BMPR2: variants seen among roughly 807,000 people sequenced by gnomAD.
BMPR2 encodes the protein bone morphogenetic protein receptor type 2.
Under a neutral mutation model 100.8 loss-of-function variants are expected in BMPR2, and 29 were observed. The ratio of observed to expected loss-of-function variants is 0.29; its 90% CI spans 0.21 to 0.39. The LOEUF is 0.39. BMPR2 is among the 10% of genes least tolerant of loss of function. BMPR2 has a pLI of 1.00. For missense variants in BMPR2, 1,011 were observed against 1,274.5 expected, an observed-to-expected ratio of 0.79 and a Z score of 3.15; for synonymous variants, 382 against 442.3, an observed-to-expected ratio of 0.86 and a Z score of 1.71.
intron 9 of BMPR2, among the ~76,000 whole-genome samples, chr2:202,534,607 CAGA>C (rs1055283594): frequency 2.7e-4 from 41 of 152,326 alleles, no homozygotes; most frequent in Non-Finnish European, 4.3e-4. Context: ...GATCCCAAGG[CAGA>C]AGAAGTTTTC....
chr2:202,377,417 G>C lies in BMPR2; in HGVS notation c.-58G>C, dbSNP rs1230114650. 1 of 1,553,066 alleles carries C rather than the reference G, an allele frequency of 6.4e-7. No homozygotes were observed. The highest frequency in any genetic ancestry group is 8.9e-7 in the Non-Finnish European group (1 of 1,124,436). On this transcript the variant is annotated 5_prime_UTR_variant, in exon 1 of 13. Coordinates refer to ENST00000374580, the MANE Select transcript of BMPR2 (RefSeq NM_001204.7). ...AGACGAGCCTCCCGGCTGTTTCTCCGCCGGTCTACTTCCCATATTTCTTTT... is the reference window on the plus strand; with the variant it reads ...AGACGAGCCTCCCGGCTGTTTCTCCCCCGGTCTACTTCCCATATTTCTTTT...
intron 1 of BMPR2, among the ~76,000 whole-genome samples, chr2:202,457,536 A>G: frequency 7.4e-6 from 1 of 135,966 alleles, no homozygotes; most frequent in South Asian, 2.3e-4. Context: ...TATTTTTAGC[A>G]ATATTTTATA....
chr2:202,535,550 C>T (rs545441673), intron 9 of BMPR2, among the ~76,000 whole-genome samples: 1 of 151,576 alleles, frequency 6.6e-6, no homozygotes, highest in African/African-American at 2.4e-5. Flanking sequence ...AGGTGCTCCT[C>T]ACTTCCTAGA....
chr2:202,489,258 T>C (rs1394643669), intron 3 of BMPR2, among the ~76,000 whole-genome samples: 1 of 152,078 alleles, frequency 6.6e-6, no homozygotes, highest in Non-Finnish European at 1.5e-5. Flanking sequence ...CCTCCTTGGC[T>C]TCCCAAAGTG....
At chr2:202,388,412 A>AAC (rs1016392736) in intron 1 of BMPR2, among the ~76,000 whole-genome samples, 1 of 150,272 alleles carries the variant, frequency 6.7e-6, no homozygotes, top group African/African-American at 2.4e-5. Context: ...AAAAAAAAAA[A>AAC]AAAAAAAACA....
rs1222515138 is a variant in BMPR2, at chr2:202,561,653, A to G, written c.*1707A>G. 1.3e-5 allele frequency: 2 copies of G among 152,054 alleles called. No homozygotes were observed. Among genetic ancestry groups the G allele is most frequent in the Admixed American group, 6.6e-5 (1 of 15,256 alleles). The allele number at this position is 152,054 out of a possible 1,614,324, so 9.4% of individuals were successfully genotyped here. ...TTAAGAGGAAAACACAAATCACCAA[A>G]TTTCTGATTTATGTTTTTATCTCCT... On this transcript the variant is annotated 3_prime_UTR_variant, in exon 13 of 13. Coordinates refer to ENST00000374580, the MANE Select transcript of BMPR2 (RefSeq NM_001204.7).
chr2:202,555,592 A>T lies in BMPR2; in HGVS notation c.1927A>T (p.Thr643Ser). The T allele has an allele frequency of 6.2e-7, 1 of 1,614,148 alleles. No homozygotes were observed. Among genetic ancestry groups the T allele is most frequent in the South Asian group, 1.1e-5 (1 of 91,084 alleles). The change falls in exon 12 of 13, where the codon ACA becomes TCA. Residue 643 changes from threonine to serine, a missense_variant. By Grantham distance (58) the Thr-to-Ser change is moderately conservative. Around this residue, in one of 6 missense-constraint regions of BMPR2, gnomAD observed 508 missense variants for 552.0 expected, o/e 0.92. Transcript: ENST00000374580. ...CCCAGATGAAACAAATCTGCATACC[A>T]CAAATGTTGCACAGTCAATTGGGCC... Reference protein sequence around the residue: ...PYPDETNLHTTNVAQSIGPTP... With the variant: ...PYPDETNLHTSNVAQSIGPTP...
At chr2:202,557,322 C>T (rs1574507963) in intron 12 of BMPR2, among the ~76,000 whole-genome samples, 1 of 151,958 alleles carries the variant, frequency 6.6e-6, no homozygotes, top group Non-Finnish European at 1.5e-5. Context: ...AAATTAGCCG[C>T]GTGTGGTGGT....
In BMPR2 at chr2:202,546,628, G is replaced by A. The variant is rs1362604453; in HGVS notation, c.1413+4181G>A. 2.6e-5 allele frequency among the ~76,000 whole-genome samples: 4 copies of A among 152,264 alleles called. No individual in the cohort carries two copies. The East Asian group carries it at 7.7e-4, about 29-fold the overall frequency. ...TTTTTGTTTTTGTTTTTTTGAGACA[G>A]AGTCTCGCTCTGTCACTCAGGCTGG... On this transcript the variant is annotated intron_variant, in intron 10 of 12. Transcript: ENST00000374580.
chr2:202,385,565 T>C (rs1441858910), intron 1 of BMPR2, among the ~76,000 whole-genome samples: 2 of 150,464 alleles, frequency 1.3e-5, no homozygotes, highest in African/African-American at 4.9e-5. Context: ...GGAGTTTCAC[T>C]GTGTTGGCCA....
intron 3 of BMPR2, among the ~76,000 whole-genome samples, chr2:202,508,083 T>C (rs1368809876): frequency 1.4e-4 from 20 of 146,240 alleles, no homozygotes; most frequent in African/African-American, 2.5e-5. Flanking sequence ...TTATTATTAT[T>C]ATTATTATTA....
intron 5 of BMPR2, among the ~76,000 whole-genome samples, 191 bp downstream of exon 5, chr2:202,515,170 T>C (rs775981851): frequency 5.9e-5 from 9 of 152,124 alleles, no homozygotes; most frequent in Non-Finnish European, 1.2e-4. Flanking sequence ...TCTATTTGAA[T>C]TGGGGAGTCT....
Position 202,513,754 on chromosome 2 carries a change from A to G in BMPR2, c.454A>G (p.Ile152Val). 1 of 1,613,516 alleles carries G rather than the reference A, an allele frequency of 6.2e-7. No homozygotes were observed. Among genetic ancestry groups the G allele is most frequent in the Non-Finnish European group, 8.5e-7 (1 of 1,179,704 alleles). ...TTCATTTAACCGAGATGAGACAATA[A>G]TCATTGCTTTGGCATCAGTCTCTGT... ...PHSFNRDETI[I>V]IALASVSVLA... Residue 152 changes from isoleucine (I) to valine (V), a missense_variant, in exon 4 of 13, where the codon ATC becomes GTC. Physicochemically the swap from Ile to Val is conservative, Grantham distance 29. This residue lies in a region of BMPR2 where 355 missense variants were observed against 455.3 expected (regional missense o/e 0.78). Transcript: ENST00000374580.
chr2:202,474,460 C>T (rs1692498623), intron 3 of BMPR2, among the ~76,000 whole-genome samples: 2 of 151,444 alleles, frequency 1.3e-5, no homozygotes, highest in Non-Finnish European at 2.9e-5. Context: ...GATTCCGTCT[C>T]AAAAAAAACC....
chr2:202,416,413 A>AC (rs1268678250), intron 1 of BMPR2, among the ~76,000 whole-genome samples: 1 of 149,448 alleles, frequency 6.7e-6, no homozygotes, highest in Admixed American at 6.7e-5. Flanking sequence ...GGTGTGCACT[A>AC]CCACACCTGG....
intron 1 of BMPR2, among the ~76,000 whole-genome samples, chr2:202,380,969 T>C (rs1346304390): frequency 2.2e-4 from 28 of 125,596 alleles, no homozygotes; most frequent in South Asian, 8.2e-4. Context: ...TTCTTTCTTT[T>C]TTTTTTTTTT....
intron 5 of BMPR2, among the ~76,000 whole-genome samples, chr2:202,518,127 C>CTTTT (rs35869694): frequency 2.6e-5 from 2 of 77,050 alleles, no homozygotes; most frequent in Admixed American, 1.6e-4. Flanking sequence ...CGCCTGGCCT[C>CTTTT]TTTTTTTTTT....
intron 4 of BMPR2, 135 bp downstream of exon 4, chr2:202,513,964 A>G (rs1446691754): frequency 6.2e-6 from 4 of 641,378 alleles, no homozygotes; most frequent in Admixed American, 2.7e-5. Flanking sequence ...CAATAGTATC[A>G]CGTATGGACA....
chr2:202,432,869 T>C (rs1038590613), intron 1 of BMPR2, among the ~76,000 whole-genome samples: 3 of 150,600 alleles, frequency 2.0e-5, no homozygotes, highest in Non-Finnish European at 4.4e-5. Flanking sequence ...TGTTTTGTTG[T>C]CGTTGTTGTT....
Sources: gnomAD v4.1 joint callset for allele counts (sites outside exome capture counted in the v4.1 genomes callset) on GRCh38, gnomAD v4.1.1 for gene constraint, gnomAD v4.1.1 regional missense constraint, MANE v1.5 for transcripts, NCBI Gene and HGNC (gene_info 2026-07-23, HGNC 2026-07-21) for gene names.